The following STK38L variants were observed in gnomAD, a reference collection of about 807,000 sequenced individuals.
STK38L encodes serine/threonine-protein kinase 38-like.
A neutral mutation model predicts 59.7 loss-of-function variants in STK38L; 28 were observed. The observed-to-expected ratio is 0.47, with a 90% CI of 0.35 to 0.64. STK38L has a LOEUF of 0.64. Among genes scored for constraint, STK38L ranks in the 30% least tolerant of loss-of-function variants. The pLI is 0.01. For missense variants in STK38L, 314 were observed against 555.8 expected (o/e 0.56, Z 4.37); for synonymous variants, 162 against 176.8 (o/e 0.92, Z 0.66).
chr12:27,277,186 A>T (rs1288960758), intron 1 of STK38L, among the ~76,000 whole-genome samples: 1 of 152,124 alleles, frequency 6.6e-6, no homozygotes, highest in Non-Finnish European at 1.5e-5. Flanking sequence ...TGTGTGTGAA[A>T]ACTTCACACC....
chr12:27,255,326 TA>T (rs1943069462), intron 1 of STK38L, among the ~76,000 whole-genome samples: 1 of 152,188 alleles, frequency 6.6e-6, no homozygotes, highest in Non-Finnish European at 1.5e-5. Context: ...TCTGTACAAG[TA>T]AACCAAGTAC....
At position 27,297,816 on chromosome 12, in the gene STK38L, T is replaced by C; in HGVS notation, c.96T>C (p.Tyr32=). 6.2e-7 allele frequency: 1 copy of C among 1,614,150 alleles called. No homozygotes were observed. The highest frequency in any genetic ancestry group is 1.7e-5 in the Admixed American group (1 of 60,024). The change falls in exon 2 of 14, where the codon TAT becomes TAC. Residue 32 remains tyrosine, a synonymous_variant. Coordinates refer to ENST00000389032, the MANE Select transcript of STK38L (RefSeq NM_015000.4). ...TVAKLTLENF[Y]SNLILQHEER... ...CCAAGCTCACATTGGAGAATTTTTA[T>C]AGCAACCTAATTTTACAGCATGAAG...
At chr12:27,281,541 C>A (rs541180022) in intron 1 of STK38L, among the ~76,000 whole-genome samples, 1 of 152,092 alleles carries the variant, frequency 6.6e-6, no homozygotes. Context: ...TTTCCAGTTT[C>A]TAAAATGGAG....
chr12:27,322,173 C>A lies in STK38L; in HGVS notation c.1206C>A (p.Ile402=). 6.2e-7 allele frequency: 1 copy of A among 1,613,792 alleles called. No individual in the cohort carries two copies. Among genetic ancestry groups the A allele is most frequent in the South Asian group, 1.1e-5 (1 of 91,038 alleles). ...RERPAAIPIE[I]KSIDDTSNFD... ...GGCCAGCAGCAATCCCTATAGAAAT[C>A]AAAAGCATTGATGATACTTCAAATT... is the stretch of plus-strand genomic sequence containing the variant. The change falls in exon 13 of 14, where the codon ATC becomes ATA. Residue 402 remains isoleucine, a synonymous_variant. Coordinates refer to ENST00000389032, the MANE Select transcript of STK38L (RefSeq NM_015000.4).
At chr12:27,248,002 A>G (rs1565519328) in intron 1 of STK38L, among the ~76,000 whole-genome samples, 1 of 151,844 alleles carries the variant, frequency 6.6e-6, no homozygotes, top group Non-Finnish European at 1.5e-5. Flanking sequence ...TTTTGTAGAG[A>G]CAGGGTTTCA....
chr12:27,308,214 G>T lies in STK38L; in HGVS notation c.187-125G>T. On this transcript the variant is annotated intron_variant, in intron 3 of 13. Coordinates refer to ENST00000389032, the MANE Select transcript of STK38L (RefSeq NM_015000.4). The surrounding 1 kb of genome is among the most constrained non-coding windows in gnomAD (Gnocchi z 4.5). The stretch of plus-strand genomic sequence containing the variant: ...AGAAAGTTTTCTTTAAATTGTTTTA[G>T]CCTAATAGTATATTACATATTAGTG... 1 of 875,144 alleles carries T rather than the reference G, an allele frequency of 1.1e-6. No homozygotes were observed. Among genetic ancestry groups the T allele is most frequent in the Non-Finnish European group, 1.5e-6 (1 of 658,132 alleles). The allele number at this position is 875,144 out of a possible 1,614,324, so 54.2% of individuals were successfully genotyped here. A position where few individuals can be genotyped will look rare whatever the true frequency, so the allele number is the denominator to read the frequency against.
intron 5 of STK38L, among the ~76,000 whole-genome samples, chr12:27,309,548 A>G (rs2136646001): frequency 6.6e-6 from 1 of 152,216 alleles, no homozygotes; most frequent in Non-Finnish European, 1.5e-5. Flanking sequence ...CCTTCTCACT[A>G]AGTTTTCACA....
intron 1 of STK38L, among the ~76,000 whole-genome samples, chr12:27,296,614 A>G (rs890947242): frequency 4.6e-5 from 7 of 152,200 alleles, no homozygotes; most frequent in Non-Finnish European, 8.8e-5. Context: ...GGTTTGGGGA[A>G]CACTTTTCAA....
At chr12:27,311,911 C>T (rs1028150313) in intron 5 of STK38L, among the ~76,000 whole-genome samples, 4 of 151,438 alleles carry the variant, frequency 2.6e-5, no homozygotes, top group East Asian at 1.9e-4. Context: ...GATGGAGTCT[C>T]GTTCTGTCAC....
At chr12:27,319,048 T>C (rs762083698) in intron 11 of STK38L, among the ~76,000 whole-genome samples, 1 of 152,126 alleles carries the variant, frequency 6.6e-6, no homozygotes, top group African/African-American at 2.4e-5. Context: ...GCAAATTTTC[T>C]CAGTATATCA....
At chr12:27,267,955 A>T (rs909721661) in intron 1 of STK38L, among the ~76,000 whole-genome samples, 1 of 152,198 alleles carries the variant, frequency 6.6e-6, no homozygotes, top group African/African-American at 2.4e-5. Flanking sequence ...GGAATTCTTC[A>T]TGCATTCAAG....
At chr12:27,252,230 C>T (rs1420590670) in intron 1 of STK38L, among the ~76,000 whole-genome samples, 3 of 152,168 alleles carry the variant, frequency 2.0e-5, no homozygotes, top group Admixed American at 6.5e-5. Context: ...CCGCCTGCCT[C>T]GGCCTCCCAA....
chr12:27,307,443 G>T (rs922927860), intron 3 of STK38L, among the ~76,000 whole-genome samples: 1 of 152,232 alleles, frequency 6.6e-6, no homozygotes, highest in African/African-American at 2.4e-5. Context: ...GCTGCATTTA[G>T]AAGCAATGTT....
chr12:27,315,496 G>C (rs1434365542), intron 9 of STK38L, 146 bp downstream of exon 9: 5 of 675,134 alleles, frequency 7.4e-6, no homozygotes, highest in Admixed American at 3.4e-5. Context: ...AGTTTTCTTA[G>C]TTTCTCTGTT....
At chr12:27,314,769 A>C in intron 7 of STK38L, 111 bp downstream of exon 7, 1 of 1,243,634 alleles carries the variant, frequency 8.0e-7, no homozygotes, top group Non-Finnish European at 1.1e-6. Flanking sequence ...GCTAAACAAC[A>C]TTATATGATA....
rs1944752485 is a variant in STK38L, at chr12:27,322,419, C to T, written c.1359C>T (p.Gly453=). ...YKRFEGLTQR[G]SIPTYMKAGK... ...GGTTTGAAGGGTTGACTCAACGTGG[C>T]TCTATCCCCACCTACATGAAAGCTG... is the stretch of plus-strand genomic sequence containing the variant. Residue 453 remains glycine (G), a synonymous_variant, in exon 14 of 14, where the codon GGC becomes GGT. Transcript: ENST00000389032. The T allele has an allele frequency of 1.9e-6, 3 of 1,613,862 alleles. No homozygotes were observed. The highest frequency in any genetic ancestry group is 2.2e-5 in the East Asian group (1 of 44,890).
chr12:27,308,867 TAA>T lies in STK38L; in HGVS notation c.310-245_310-244del, dbSNP rs1239866068. Among the ~76,000 whole-genome samples, 3 of 126,350 alleles carry T rather than the reference TAA, an allele frequency of 2.4e-5. No individual in the cohort carries two copies. The highest frequency in any genetic ancestry group is 2.3e-4 in the South Asian group (1 of 4,406). 82.9% of individuals were successfully genotyped at this position (126,350 alleles called of 152,430 possible). On this transcript the variant is annotated intron_variant, in intron 4 of 13. Transcript: ENST00000389032. This position sits in a 1 kb window ranked among gnomAD's most constrained non-coding sequence, Gnocchi z 4.5. The stretch of plus-strand genomic sequence containing the variant: ...GTATGTATATATAAAAAAATATATA[TAA>T]ATATAAATATATATAAATGTAAATA...
In STK38L at chr12:27,322,166, T is replaced by C. The variant is rs1261252858; in HGVS notation, c.1199T>C (p.Ile400Thr). ...AGGGAAAGGCCAGCAGCAATCCCTA[T>C]AGAAATCAAAAGCATTGATGATACT... ...HIRERPAAIPIEIKSIDDTSN... is the reference protein window; with the variant it reads ...HIRERPAAIPTEIKSIDDTSN... Residue 400 changes from isoleucine (I) to threonine (T), a missense_variant, in exon 13 of 14, where the codon ATA becomes ACA. Physicochemically the swap from Ile to Thr is moderately conservative, Grantham distance 89. Transcript: ENST00000389032. 5.0e-6 allele frequency: 8 copies of C among 1,613,864 alleles called. No homozygotes were observed. The highest frequency in any genetic ancestry group is 6.8e-6 in the Non-Finnish European group (8 of 1,179,922).
At chr12:27,245,946 G>C (rs1014437197) in intron 1 of STK38L, 1 of 152,130 alleles carries the variant, frequency 6.6e-6, no homozygotes, top group African/African-American at 2.4e-5. Flanking sequence ...GTACTCTTTT[G>C]AAAGGCCTTG....
Sources: allele counts gnomAD v4.1 joint callset (sites outside exome capture counted in the v4.1 genomes callset), GRCh38; gene constraint gnomAD v4.1.1; non-coding constraint Gnocchi (gnomAD v3.1); transcripts MANE v1.5; gene names NCBI Gene and HGNC (gene_info 2026-07-23, HGNC 2026-07-21).